The following MAOA variants were observed in gnomAD, a reference collection of about 807,000 sequenced individuals.
MAOA encodes the protein monoamine oxidase A.
A neutral mutation model predicts 42.0 loss-of-function variants in MAOA; 6 were observed. The observed-to-expected ratio is 0.14, with a 90% confidence interval of 0.08 to 0.28. The LOEUF (loss-of-function observed/expected upper bound fraction) is 0.28. Among genes scored for constraint, MAOA ranks in the 10% least tolerant of loss-of-function variants. MAOA has a pLI of 1.00. For synonymous variants in MAOA, 140 were observed against 154.0 expected (o/e 0.91, Z 0.67); for missense variants, 262 against 422.3 (o/e 0.62, Z 3.33).
At chrX:43,720,055 G>T (rs966822113) in intron 5 of MAOA, among the ~76,000 whole-genome samples, 2 of 110,435 alleles carry the variant, frequency 1.8e-5, no homozygotes, top group African/African-American at 6.6e-5. Context: ...ACTGCGGGGA[G>T]ACAGGGAAGG....
chrX:43,678,555 T>C (rs2147078603), intron 1 of MAOA, among the ~76,000 whole-genome samples: 1 of 112,232 alleles, frequency 8.9e-6, no homozygotes, highest in African/African-American at 3.2e-5. Flanking sequence ...TTCGAAAGAT[T>C]AGGTCAAAAG....
intron 3 of MAOA, among the ~76,000 whole-genome samples, chrX:43,710,366 G>A (rs954865429): frequency 3.6e-5 from 4 of 112,293 alleles, no homozygotes; most frequent in African/African-American, 9.7e-5. Context: ...TATGTGGAAG[G>A]GAAAATTACT....
chrX:43,745,356 C>A lies in MAOA; in HGVS notation c.*843C>A, dbSNP rs2033991439. On this transcript the variant is annotated 3_prime_UTR_variant, in exon 15 of 15. Coordinates refer to ENST00000338702, the MANE Select transcript of MAOA (RefSeq NM_000240.4). ...CAACTACGACTGGCATCTTCTCTTC[C>A]CCCTGGAAGGCAGCTAGACACCAAT... is the stretch of plus-strand genomic sequence containing the variant. 8.9e-6 allele frequency: 1 copy of A among 111,748 alleles called. No homozygotes were observed. Among genetic ancestry groups the A allele is most frequent in the Non-Finnish European group, 1.9e-5 (1 of 53,190 alleles). The allele number at this position is 111,748 out of a possible 1,213,427, so 9.2% of individuals were successfully genotyped here.
chrX:43,713,763 G>A (rs968287261), intron 5 of MAOA, among the ~76,000 whole-genome samples: 2 of 111,743 alleles, frequency 1.8e-5, no homozygotes, highest in African/African-American at 6.5e-5. Flanking sequence ...TGGTCTGAGG[G>A]TACAGGAAGC....
At chrX:43,657,084 CTGTGTGTGTGTG>C (rs10560402) in intron 1 of MAOA, among the ~76,000 whole-genome samples, 5 of 71,210 alleles carry the variant, frequency 7.0e-5, no homozygotes, top group Non-Finnish European at 1.0e-4. Flanking sequence ...TAAACTATTC[CTGTGTGTGTGTG>C]TGTGTGTGTG....
chrX:43,669,999 A>G (rs1399834546), intron 1 of MAOA, among the ~76,000 whole-genome samples: 1 of 111,783 alleles, frequency 8.9e-6, no homozygotes, highest in Non-Finnish European at 1.9e-5. Context: ...TGAGGCTTAG[A>G]AAAAAGGAGG....
At chrX:43,730,134 C>T (rs1375218665) in intron 6 of MAOA, among the ~76,000 whole-genome samples, 1 of 100,239 alleles carries the variant, frequency 1.0e-5, no homozygotes, top group Non-Finnish European at 2.0e-5. Context: ...GCGGAAGTTA[C>T]AGTGAGCCAA....
At chrX:43,722,448 G>T (rs1472846946) in intron 5 of MAOA, among the ~76,000 whole-genome samples, 1 of 112,402 alleles carries the variant, frequency 8.9e-6, no homozygotes, top group Non-Finnish European at 1.9e-5. Flanking sequence ...CAGTGATGAT[G>T]AACATTTTTT....
rs187811052 is a variant in MAOA at position 43,681,781 on chromosome X, G to A, written c.74-1732G>A. Reference sequence around the variant, plus strand: ...AAGTCTATGAGAAGTATAATGAGAAGTATAAAGTTAACTAGGAACTAAGAC... The same window carrying A: ...AAGTCTATGAGAAGTATAATGAGAAATATAAAGTTAACTAGGAACTAAGAC... On this transcript the variant is annotated intron_variant, in intron 1 of 14. Transcript: ENST00000338702. Among the ~76,000 whole-genome samples the A allele has an allele frequency of 6.1e-3, 659 of 107,482 alleles. 5 individuals carry two copies. Among genetic ancestry groups the A allele is most frequent in the African/African-American group, 0.02 (596 of 29,664 alleles). The allele number at this position is 107,482 out of a possible 115,157, so 93.3% of individuals were successfully genotyped here. A position where few individuals can be genotyped will look rare whatever the true frequency, so the allele number is the denominator to read the frequency against.
intron 1 of MAOA, among the ~76,000 whole-genome samples, chrX:43,673,448 C>A (rs867813087): frequency 1.5e-4 from 16 of 109,306 alleles, no homozygotes; most frequent in South Asian, 3.9e-4. Flanking sequence ...TATTTCCTTC[C>A]GTTCTGCTCT....
intron 6 of MAOA, among the ~76,000 whole-genome samples, chrX:43,729,251 G>T (rs960263143): frequency 3.7e-4 from 41 of 112,197 alleles, no homozygotes; most frequent in African/African-American, 1.2e-3. Context: ...TACAGGCAGA[G>T]ATGACAGATT....
intron 2 of MAOA, 138 bp from the exon 3 acceptor site, chrX:43,693,153 C>T (rs2033549585): frequency 3.5e-6 from 2 of 563,471 alleles, no homozygotes; most frequent in African/African-American, 2.3e-5. Context: ...GGAAAGATTG[C>T]CATTTTCAGT....
chrX:43,700,094 A>G (rs2033611100), intron 3 of MAOA, among the ~76,000 whole-genome samples: 1 of 111,837 alleles, frequency 8.9e-6, no homozygotes, highest in African/African-American at 3.2e-5. Context: ...TTTCTTTTAA[A>G]CACCTAAATT....
intron 12 of MAOA, among the ~76,000 whole-genome samples, chrX:43,743,211 C>A (rs1226177848): frequency 9.0e-6 from 1 of 110,948 alleles, no homozygotes; most frequent in Non-Finnish European, 1.9e-5. Flanking sequence ...AAGAGGAGAC[C>A]CATTTCCTTG....
At chrX:43,697,891 A>C (rs1393209071) in intron 3 of MAOA, among the ~76,000 whole-genome samples, 3 of 112,247 alleles carry the variant, frequency 2.7e-5, no homozygotes, top group Admixed American at 1.9e-4. Context: ...ATGATTAATA[A>C]ATTGTATACT....
upstream of MAOA, chrX:43,656,121 G>A (rs1372648993): frequency 6.9e-6 from 3 of 435,025 alleles, no homozygotes; most frequent in East Asian, 1.1e-4. Context: ...TCAGTGCCCA[G>A]CTCCCCCCGG....
chrX:43,732,606 C>T (rs2033891092), intron 8 of MAOA, 93 bp from the exon 9 acceptor site: 1 of 630,414 alleles, frequency 1.6e-6, no homozygotes, highest in African/African-American at 2.2e-5. Flanking sequence ...GTTTTTACTT[C>T]CTCTTAAAAA....
At chrX:43,715,251 A>C (rs1228160118) in intron 5 of MAOA, among the ~76,000 whole-genome samples, 1 of 109,616 alleles carries the variant, frequency 9.1e-6, no homozygotes, top group Non-Finnish European at 1.9e-5. Context: ...GGAGAAAGGA[A>C]GGGTGGATGG....
intron 5 of MAOA, among the ~76,000 whole-genome samples, chrX:43,714,650 T>A (rs750251747): frequency 9.2e-6 from 1 of 109,274 alleles, no homozygotes; most frequent in Non-Finnish European, 1.9e-5. Context: ...GTGGCCTGGT[T>A]GCATCTTCCA....
Sources: allele counts gnomAD v4.1 joint callset (sites outside exome capture counted in the v4.1 genomes callset), GRCh38; gene constraint gnomAD v4.1.1; transcripts MANE v1.5; gene names NCBI Gene and HGNC (gene_info 2026-07-23, HGNC 2026-07-21).